Variants in AFF2 observed in about 807,000 individuals in gnomAD.
The protein encoded by AFF2 is ALF transcription elongation factor 2.
AFF2 carries 14 observed loss-of-function variants against 76.9 expected under a neutral mutation model. That is an observed-to-expected ratio of 0.18 (90% CI 0.12 to 0.28). The LOEUF (loss-of-function observed/expected upper bound fraction) is 0.28. AFF2 is among the 10% of genes least tolerant of loss of function. The pLI is 1.00. For synonymous variants in AFF2, 398 were observed against 366.7 expected (o/e 1.09, Z -0.98); for missense variants, 868 against 1,001.1 (o/e 0.87, Z 1.79).
intron 10 of AFF2, among the ~76,000 whole-genome samples, chrX:148,955,214 C>T (rs1217081851): frequency 2.7e-5 from 3 of 112,304 alleles, no homozygotes; most frequent in South Asian, 3.7e-4. Context: ...GAGACTATTA[C>T]CTTTGCCTCC....
chrX:148,794,985 CT>C (rs1436198417), intron 3 of AFF2, among the ~76,000 whole-genome samples: 1 of 111,948 alleles, frequency 8.9e-6, no homozygotes, highest in Non-Finnish European at 1.9e-5. Flanking sequence ...AGCCTCGCTT[CT>C]TTTTCATCTT....
At chrX:148,685,882 CTCTT>C (rs1437414575) in intron 3 of AFF2, among the ~76,000 whole-genome samples, 3 of 110,316 alleles carry the variant, frequency 2.7e-5, no homozygotes, top group South Asian at 3.9e-4. Context: ...CATTGTCTCT[CTCTT>C]TCTCTCTGTC....
chrX:148,551,702 T>C (rs1178085851), intron 1 of AFF2, among the ~76,000 whole-genome samples: 1 of 111,011 alleles, frequency 9.0e-6, no homozygotes, highest in East Asian at 2.8e-4. Context: ...CTTGGGGTGT[T>C]CCAACCCTGC....
Position 148,991,309 on chromosome X carries a change from C to A in AFF2, c.3913C>A (p.Arg1305Ser). The A allele has an allele frequency of 1.7e-6, 2 of 1,206,446 alleles. No homozygotes were observed. The highest frequency in any genetic ancestry group is 2.2e-6 in the Non-Finnish European group (2 of 892,442). ...CGTTCGCCAAGGACTGTGTTGGCTG[C>A]GCATCGATGCCCACTTGTTGTAGTG... ...RYVRQGLCWL[R>S]IDAHLL The change falls in exon 21 of 21, where the codon CGC becomes AGC. Residue 1305 changes from arginine to serine, a missense_variant. Around this residue, in one of 6 missense-constraint regions of AFF2, gnomAD observed 33 missense variants for 63.6 expected, o/e 0.52. Transcript: ENST00000370460.
At chrX:148,974,336 A>G (rs1433692182) in intron 16 of AFF2, among the ~76,000 whole-genome samples, 4 of 111,507 alleles carry the variant, frequency 3.6e-5, no homozygotes, top group African/African-American at 9.8e-5. Flanking sequence ...TATTTGTACA[A>G]TAATTTAATC....
At chrX:148,726,525 T>C (rs2055157415) in intron 3 of AFF2, among the ~76,000 whole-genome samples, 1 of 112,224 alleles carries the variant, frequency 8.9e-6, no homozygotes, top group African/African-American at 3.2e-5. Context: ...AACTCTGTTC[T>C]GCACATACCA....
At chrX:148,790,647 A>G (rs782067082) in intron 3 of AFF2, among the ~76,000 whole-genome samples, 1 of 102,396 alleles carries the variant, frequency 9.8e-6, no homozygotes, top group Non-Finnish European at 2.0e-5. Context: ...ATGAGAACAT[A>G]TGGACACAGG....
intron 8 of AFF2, among the ~76,000 whole-genome samples, chrX:148,891,633 G>A (rs2071224709): frequency 9.0e-6 from 1 of 111,615 alleles, no homozygotes; most frequent in Non-Finnish European, 1.9e-5. Flanking sequence ...TCTGCTTAAT[G>A]TCTAATTGAG....
intron 3 of AFF2, among the ~76,000 whole-genome samples, chrX:148,793,120 C>A (rs1557270081): frequency 9.0e-6 from 1 of 111,418 alleles, no homozygotes; most frequent in Non-Finnish European, 1.9e-5. Flanking sequence ...GCTATGACCT[C>A]CTACACACTA....
chrX:148,990,863 T>TTGAA (rs2072526236), intron 20 of AFF2, among the ~76,000 whole-genome samples: 1 of 112,377 alleles, frequency 8.9e-6, no homozygotes, highest in Non-Finnish European at 1.9e-5. Context: ...CATTAACACA[T>TTGAA]TGAATGACAA....
chrX:148,969,197 G>T, intron 15 of AFF2, among the ~76,000 whole-genome samples: 1 of 112,702 alleles, frequency 8.9e-6, no homozygotes, highest in Middle Eastern at 4.6e-3. Flanking sequence ...GTCTTTCAAG[G>T]GATCACATTT....
At chrX:148,648,120 C>A (rs1280826956) in intron 1 of AFF2, among the ~76,000 whole-genome samples, 1 of 112,240 alleles carries the variant, frequency 8.9e-6, no homozygotes, top group Non-Finnish European at 1.9e-5. Context: ...AGATTCAGAT[C>A]TTCCTTTGCC....
intron 3 of AFF2, among the ~76,000 whole-genome samples, chrX:148,685,964 C>T (rs1469822119): frequency 2.7e-5 from 3 of 110,250 alleles, no homozygotes; most frequent in Non-Finnish European, 3.8e-5. Flanking sequence ...CACACACACA[C>T]ATACATACAT....
chrX:148,927,434 C>T (rs782054868), intron 9 of AFF2, among the ~76,000 whole-genome samples: 3 of 111,094 alleles, frequency 2.7e-5, no homozygotes, highest in Non-Finnish European at 3.8e-5. Context: ...ATGTCTGCCT[C>T]GCCTTCTCTT....
intron 3 of AFF2, among the ~76,000 whole-genome samples, chrX:148,774,406 C>T (rs781990242): frequency 8.8e-4 from 98 of 111,274 alleles, no homozygotes; most frequent in Admixed American, 2.0e-3. Context: ...AACAAGAGTT[C>T]GGAAAGATTT....
chrX:148,894,888 G>GAT lies in AFF2; in HGVS notation c.1359+8905_1359+8906dup, dbSNP rs201173844. 3.7e-3 allele frequency among the ~76,000 whole-genome samples: 400 copies of GAT among 108,599 alleles called. 2 individuals carry two copies. The highest frequency in any genetic ancestry group is 0.013 in the African/African-American group (365 of 28,436). 94.3% of individuals were successfully genotyped at this position (108,599 alleles called of 115,157 possible). On this transcript the variant is annotated intron_variant, in intron 8 of 20. Coordinates refer to ENST00000370460, the MANE Select transcript of AFF2 (RefSeq NM_002025.4). The stretch of plus-strand genomic sequence containing the variant: ...CAACAGACAAATGGTTAAAATGTGA[G>GAT]ATAGATAGATATATATATATATACA...
intron 7 of AFF2, among the ~76,000 whole-genome samples, chrX:148,874,708 G>A (rs1231881780): frequency 1.8e-5 from 2 of 111,861 alleles, no homozygotes; most frequent in African/African-American, 6.5e-5. Flanking sequence ...GTCATTTGTT[G>A]ACAGTGGCCC....
At chrX:148,568,638 T>G (rs1485902842) in intron 1 of AFF2, among the ~76,000 whole-genome samples, 1 of 111,965 alleles carries the variant, frequency 8.9e-6, no homozygotes, top group Non-Finnish European at 1.9e-5. Flanking sequence ...TGCTTGACAT[T>G]TACTTTGTAT....
intron 1 of AFF2, among the ~76,000 whole-genome samples, chrX:148,585,840 C>CAAAAA (rs1194523651): frequency 7.8e-5 from 2 of 25,523 alleles, no homozygotes; most frequent in Non-Finnish European, 1.4e-4. Flanking sequence ...GACTGCGTCT[C>CAAAAA]AAAAAAAAAA....
Sources: gnomAD v4.1 joint callset for allele counts (sites outside exome capture counted in the v4.1 genomes callset) on GRCh38, gnomAD v4.1.1 for gene constraint, gnomAD v4.1.1 regional missense constraint, MANE v1.5 for transcripts, NCBI Gene and HGNC (gene_info 2026-07-23, HGNC 2026-07-21) for gene names.